Variants in TEX48 observed in about 807,000 individuals in gnomAD.
TEX48 encodes the protein testis expressed 48.
TEX48 carries 10 observed loss-of-function variants against 13.2 expected under a neutral mutation model. The observed-to-expected ratio is 0.75, with a 90% CI of 0.47 to 1.28. The LOEUF is 1.28. Ranked by LOEUF, TEX48 falls within the 50% of genes most tolerant of loss-of-function variation. The probability of loss-of-function intolerance (pLI) is 0.00; values close to 1 mark genes in which losing one functional copy is unlikely to be tolerated. For missense variants in TEX48, 116 were observed against 139.4 expected (o/e 0.83, Z 0.84); for synonymous variants, 45 against 52.3 (o/e 0.86, Z 0.60).
chr9:114,678,140 G>A (rs78996265), intron 1 of TEX48, among the ~76,000 whole-genome samples: 8,372 of 152,172 alleles, frequency 0.055, 305 homozygotes, highest in Non-Finnish European at 0.084. Context: ...AGGCTTCTTT[G>A]TCTGGAATGC....
chr9:114,673,607 A>G (rs1827992137), intron 1 of TEX48, among the ~76,000 whole-genome samples: 2 of 152,160 alleles, frequency 1.3e-5, no homozygotes, highest in South Asian at 2.1e-4. Flanking sequence ...CTTTCACTTC[A>G]TATTCCATGA....
rs186520099 is a variant in TEX48, at chr9:114,676,094, G to A, written c.-104-4267C>T. ...ATGCTTAATAAACACTTGTTGAAAC[G>A]TTGTCTTGTAACTGCCTCTTGTTGA... On this transcript the variant is annotated intron_variant, in intron 1 of 4. Coordinates refer to ENST00000436752, the MANE Select transcript of TEX48 (RefSeq NM_001199233.2). 7.9e-5 allele frequency among the ~76,000 whole-genome samples: 12 copies of A among 152,328 alleles called. No homozygotes were observed. In the East Asian group the frequency reaches 1.7e-3, roughly 22 times the overall value.
At chr9:114,674,640 TCC>T (rs1828024656) in intron 1 of TEX48, among the ~76,000 whole-genome samples, 1 of 136,628 alleles carries the variant, frequency 7.3e-6, no homozygotes, top group African/African-American at 2.8e-5. Flanking sequence ...CTTCCTTCCT[TCC>T]TTCCTTCCTT....
chr9:114,672,091 A>G (rs1827959996), intron 1 of TEX48, among the ~76,000 whole-genome samples: 1 of 152,218 alleles, frequency 6.6e-6, no homozygotes, highest in Non-Finnish European at 1.5e-5. Flanking sequence ...ATATATATGA[A>G]AAGTAGCTCC....
chr9:114,680,341 G>T (rs1828169980), intron 1 of TEX48, among the ~76,000 whole-genome samples: 1 of 151,994 alleles, frequency 6.6e-6, no homozygotes, highest in South Asian at 2.1e-4. Flanking sequence ...GGGTCAGGCT[G>T]GTCTCGAACT....
intron 4 of TEX48, 107 bp downstream of exon 4, chr9:114,668,099 A>G (rs1827875075): frequency 4.4e-6 from 6 of 1,368,268 alleles, no homozygotes; most frequent in Non-Finnish European, 5.9e-6. Flanking sequence ...GAGCAATTCC[A>G]TCTCCCCATC....
At chr9:114,676,137 C>T (rs1220933272) in intron 1 of TEX48, among the ~76,000 whole-genome samples, 2 of 152,126 alleles carry the variant, frequency 1.3e-5, no homozygotes, top group Admixed American at 6.5e-5. Flanking sequence ...GATACTAGTT[C>T]ATGAGCTTTT....
chr9:114,671,774 T>C lies in TEX48; in HGVS notation c.-51A>G. The C allele has an allele frequency of 2.0e-6, 3 of 1,534,166 alleles. No individual in the cohort carries two copies. Among genetic ancestry groups the C allele is most frequent in the Non-Finnish European group, 2.6e-6 (3 of 1,145,576 alleles). On this transcript the variant is annotated 5_prime_UTR_variant, in exon 2 of 5. Coordinates refer to ENST00000436752, the MANE Select transcript of TEX48 (RefSeq NM_001199233.2). ...GCCAGCTTTGTCTGCAGGGGTGCCT[T>C]GTTGAATCAGCCAGTCTTGAGTTTG...
At chr9:114,672,466 C>T (rs558275288) in intron 1 of TEX48, among the ~76,000 whole-genome samples, 1 of 152,208 alleles carries the variant, frequency 6.6e-6, no homozygotes, top group Non-Finnish European at 1.5e-5. Context: ...CACTCCCCTT[C>T]TTGTGGCAAA....
intron 1 of TEX48, among the ~76,000 whole-genome samples, chr9:114,681,737 G>T (rs891796832): frequency 6.6e-6 from 1 of 151,400 alleles, no homozygotes; most frequent in African/African-American, 2.4e-5. Context: ...GTTGTCCCCA[G>T]TGGGTATGAA....
intron 1 of TEX48, among the ~76,000 whole-genome samples, chr9:114,680,120 CCTT>C (rs1392364057): frequency 4.4e-4 from 23 of 52,132 alleles, no homozygotes; most frequent in Middle Eastern, 6.5e-3. Flanking sequence ...TGTCATTGTC[CCTT>C]TTTTTTTTTT....
intron 3 of TEX48, 52 bp from the exon 4 acceptor site, chr9:114,668,389 C>T (rs770792537): frequency 9.5e-5 from 142 of 1,501,348 alleles, no homozygotes; most frequent in Admixed American, 3.5e-4. Flanking sequence ...GGTGAGATCA[C>T]GGAAGTGAAG....
intron 1 of TEX48, among the ~76,000 whole-genome samples, chr9:114,678,506 G>A (rs890507469): frequency 1.3e-5 from 2 of 152,128 alleles, no homozygotes; most frequent in South Asian, 2.1e-4. Flanking sequence ...GATTCTGTTC[G>A]TTACTTATTG....
At chr9:114,672,795 G>A (rs551152711) in intron 1 of TEX48, among the ~76,000 whole-genome samples, 42 of 152,220 alleles carry the variant, frequency 2.8e-4, no homozygotes, top group African/African-American at 9.2e-4. Flanking sequence ...TAGATGGAGC[G>A]ATATAATATG....
chr9:114,672,066 C>T (rs1827959301), intron 1 of TEX48, among the ~76,000 whole-genome samples: 2 of 152,176 alleles, frequency 1.3e-5, no homozygotes, highest in South Asian at 2.1e-4. Flanking sequence ...GCCTACTTTG[C>T]AGGAGTAAAG....
intron 1 of TEX48, among the ~76,000 whole-genome samples, chr9:114,680,120 C>CATTTTTTTTTTTTT (rs2079145442): frequency 1.9e-5 from 1 of 52,126 alleles, no homozygotes; most frequent in African/African-American, 8.1e-5. Flanking sequence ...TGTCATTGTC[C>CATTTTTTTTTTTTT]CTTTTTTTTT....
chr9:114,680,918 G>A (rs1291764438), intron 1 of TEX48, among the ~76,000 whole-genome samples: 2 of 152,080 alleles, frequency 1.3e-5, no homozygotes, highest in African/African-American at 2.4e-5. Flanking sequence ...ACCAGTCCAC[G>A]AACTCAACAC....
chr9:114,675,420 G>A (rs1234471328), intron 1 of TEX48, among the ~76,000 whole-genome samples: 2 of 152,086 alleles, frequency 1.3e-5, no homozygotes, highest in Non-Finnish European at 2.9e-5. Context: ...TCCCTATTTC[G>A]TGGGATGATC....
chr9:114,672,295 T>C (rs537622550), intron 1 of TEX48, among the ~76,000 whole-genome samples: 2 of 152,328 alleles, frequency 1.3e-5, no homozygotes, highest in South Asian at 4.1e-4. Flanking sequence ...CCATGCTTTT[T>C]TCTGTGTCTC....
Sources: gnomAD v4.1 joint callset for allele counts (sites outside exome capture counted in the v4.1 genomes callset) on GRCh38, gnomAD v4.1.1 for gene constraint, MANE v1.5 for transcripts, NCBI Gene and HGNC (gene_info 2026-07-23, HGNC 2026-07-21) for gene names.